GRID2: variants seen among roughly 807,000 people sequenced by gnomAD.
GRID2 encodes glutamate receptor ionotropic, delta-2.
A neutral mutation model predicts 114.8 loss-of-function variants in GRID2; 33 were observed. The observed-to-expected ratio is 0.29, with a 90% confidence interval of 0.22 to 0.38. The LOEUF is 0.38. GRID2 is among the 10% of genes least tolerant of loss of function. The pLI is 1.00. For missense variants in GRID2, 1,184 were observed against 1,257.7 expected (o/e 0.94, Z 0.89); for synonymous variants, 505 against 449.9 (o/e 1.12, Z -1.55).
At position 92,716,529 on chromosome 4, in the gene GRID2, T is replaced by G. The variant is rs561885969; in HGVS notation, c.244+126243T>G. Among the ~76,000 whole-genome samples the G allele has an allele frequency of 6.6e-5, 10 of 152,342 alleles. No individual in the cohort carries two copies. In the South Asian group the frequency reaches 1.0e-3, roughly 16 times the overall value. On this transcript the variant is annotated intron_variant, in intron 2 of 15. Transcript: ENST00000282020. ...GGCTTTGGTGATATAAGACCCTCAC[T>G]TCCCCTAATCTCTTGTTATTCAATG...
At chr4:93,140,047 T>C (rs1446206188) in intron 4 of GRID2, among the ~76,000 whole-genome samples, 2 of 151,904 alleles carry the variant, frequency 1.3e-5, no homozygotes, top group Non-Finnish European at 2.9e-5. Flanking sequence ...AAACAAAAAA[T>C]ATGAAACAGA....
At chr4:93,615,912 T>G (rs1482249286) in intron 13 of GRID2, among the ~76,000 whole-genome samples, 1 of 152,136 alleles carries the variant, frequency 6.6e-6, no homozygotes, top group East Asian at 1.9e-4. Context: ...GTATATAAAT[T>G]TTTATTTTAC....
intron 2 of GRID2, among the ~76,000 whole-genome samples, chr4:92,990,828 A>G (rs1484571297): frequency 6.6e-6 from 1 of 152,166 alleles, no homozygotes; most frequent in Non-Finnish European, 1.5e-5. Flanking sequence ...CACAATTTCC[A>G]TTGCCCTCTA....
chr4:93,502,298 C>T (rs1418539304), intron 12 of GRID2, among the ~76,000 whole-genome samples: 2 of 152,052 alleles, frequency 1.3e-5, no homozygotes, highest in Non-Finnish European at 2.9e-5. Context: ...ATTCTTCGCT[C>T]ACTGCACAAA....
At chr4:92,364,917 G>T (rs1214458716) in intron 1 of GRID2, among the ~76,000 whole-genome samples, 5 of 151,970 alleles carry the variant, frequency 3.3e-5, no homozygotes, top group Non-Finnish European at 7.4e-5. Flanking sequence ...TATCTAAACT[G>T]GCTGTTGACC....
At position 92,573,830 on chromosome 4, in the gene GRID2, A is replaced by C. The variant is rs190397102; in HGVS notation, c.89-16301A>C. Among the ~76,000 whole-genome samples, 22 of 152,128 alleles carry C rather than the reference A, an allele frequency of 1.4e-4. No individual in the cohort carries two copies. The East Asian group carries it at 2.7e-3, about 19-fold the overall frequency. On this transcript the variant is annotated intron_variant, in intron 1 of 15. Coordinates refer to ENST00000282020, the MANE Select transcript of GRID2 (RefSeq NM_001510.4). Reference sequence around the variant, plus strand: ...AGTTCTGTAGATATCTATCAGGTCAACTTGATCCAGAGCTGAGTTCATGTC... The same window carrying C: ...AGTTCTGTAGATATCTATCAGGTCACCTTGATCCAGAGCTGAGTTCATGTC...
intron 1 of GRID2, among the ~76,000 whole-genome samples, chr4:92,442,646 G>A (rs900206011): frequency 1.4e-4 from 22 of 151,892 alleles, no homozygotes; most frequent in Non-Finnish European, 2.2e-4. Context: ...ATTTAATGTT[G>A]GGAGCAGATT....
At chr4:93,151,663 T>C (rs146787765) in intron 4 of GRID2, among the ~76,000 whole-genome samples, 1 of 152,272 alleles carries the variant, frequency 6.6e-6, no homozygotes, top group Non-Finnish European at 1.5e-5. Flanking sequence ...ATCTGAGTCA[T>C]ATGAAATATA....
chr4:92,868,032 C>A (rs1444446623), intron 2 of GRID2, among the ~76,000 whole-genome samples: 1 of 120,290 alleles, frequency 8.3e-6, no homozygotes, highest in Non-Finnish European at 1.7e-5. Context: ...TTCTTTCTTT[C>A]TTTCTTTCTT....
chr4:93,471,858 G>A (rs985183575), intron 11 of GRID2, among the ~76,000 whole-genome samples: 12 of 148,130 alleles, frequency 8.1e-5, no homozygotes, highest in Non-Finnish European at 1.6e-4. Flanking sequence ...ACACCACCAC[G>A]CCAGCTAATT....
chr4:93,756,654 C>A (rs1732773154), intron 14 of GRID2, among the ~76,000 whole-genome samples: 1 of 152,118 alleles, frequency 6.6e-6, no homozygotes, highest in Non-Finnish European at 1.5e-5. Flanking sequence ...ACCCTAATTA[C>A]CCCCCAAAGG....
At chr4:92,986,326 TA>T (rs1234290366) in intron 2 of GRID2, among the ~76,000 whole-genome samples, 4 of 152,132 alleles carry the variant, frequency 2.6e-5, no homozygotes, top group Non-Finnish European at 5.9e-5. Flanking sequence ...ATATTTTCAA[TA>T]AAGAGTCTAT....
At chr4:92,633,547 C>G (rs936103489) in intron 2 of GRID2, among the ~76,000 whole-genome samples, 27 of 152,250 alleles carry the variant, frequency 1.8e-4, no homozygotes, top group African/African-American at 6.0e-4. Flanking sequence ...CGTACCTTCT[C>G]TCTGTCTTCT....
At chr4:93,206,591 TACACACACACACACACACAC>T (rs5860312) in intron 4 of GRID2, among the ~76,000 whole-genome samples, 1 of 143,044 alleles carries the variant, frequency 7.0e-6, no homozygotes, top group African/African-American at 2.6e-5. Context: ...CTGCCCCTAC[TACACACACACACACACACAC>T]ACACACACAC....
At chr4:93,218,370 G>T (rs1409285324) in intron 6 of GRID2, among the ~76,000 whole-genome samples, 2 of 151,942 alleles carry the variant, frequency 1.3e-5, no homozygotes, top group Non-Finnish European at 2.9e-5. Context: ...CAGGTGTGGT[G>T]GTATCCTCCT....
chr4:93,310,668 G>A (rs1755917517), intron 8 of GRID2, among the ~76,000 whole-genome samples: 1 of 152,094 alleles, frequency 6.6e-6, no homozygotes, highest in Non-Finnish European at 1.5e-5. Flanking sequence ...TGTTAATAAA[G>A]CAATGCTAAA....
intron 4 of GRID2, among the ~76,000 whole-genome samples, chr4:93,196,413 A>G (rs981387562): frequency 3.9e-5 from 6 of 152,152 alleles, no homozygotes; most frequent in African/African-American, 1.4e-4. Context: ...GCACAGAAAA[A>G]CAATAAAACC....
At chr4:93,225,420 T>C (rs1462889867) in intron 7 of GRID2, among the ~76,000 whole-genome samples, 2 of 152,228 alleles carry the variant, frequency 1.3e-5, no homozygotes, top group African/African-American at 2.4e-5. Context: ...CTTTGTCATG[T>C]CATCCTTCTT....
At chr4:93,509,633 G>A (rs1236960255) in intron 12 of GRID2, among the ~76,000 whole-genome samples, 1 of 152,246 alleles carries the variant, frequency 6.6e-6, no homozygotes, top group East Asian at 1.9e-4. Flanking sequence ...TTTTCCCAAA[G>A]ATTGAAACAC....
Sources: gnomAD v4.1 joint callset for allele counts (sites outside exome capture counted in the v4.1 genomes callset) on GRCh38, gnomAD v4.1.1 for gene constraint, MANE v1.5 for transcripts, NCBI Gene and HGNC (gene_info 2026-07-23, HGNC 2026-07-21) for gene names.